The following RNASE2 variants were observed in gnomAD, a reference collection of about 807,000 sequenced individuals.
RNASE2 encodes the protein non-secretory ribonuclease.
For missense variants in RNASE2, 170 were observed against 197.9 expected (o/e 0.86, Z 0.85); for synonymous variants, 67 against 68.9 (o/e 0.97, Z 0.13).
At chr14:20,955,696 G>T in intron 1 of RNASE2, 71 bp from the exon 2 acceptor site, 8 of 1,519,024 alleles carry the variant, frequency 5.3e-6, no homozygotes, top group East Asian at 4.5e-5. Context: ...GGCCTGTGGG[G>T]TAAGACACTA....
At position 20,956,399 on chromosome 14, in the gene RNASE2, G is replaced by A; in HGVS notation, c.*142G>A. On this transcript the variant is annotated 3_prime_UTR_variant, in exon 2 of 2. Coordinates refer to ENST00000304625, the MANE Select transcript of RNASE2 (RefSeq NM_002934.3). ...CCCTTCAGCTTTCCTGAGCTGAAGT[G>A]CCTTGTGAACCCTGCAATAAACTGC... 7.9e-7 allele frequency: 1 copy of A among 1,261,204 alleles called. No homozygotes were observed. The highest frequency in any genetic ancestry group is 1.1e-6 in the Non-Finnish European group (1 of 901,664). The allele number at this position is 1,261,204 out of a possible 1,614,324, so 78.1% of individuals were successfully genotyped here. A position where few individuals can be genotyped will look rare whatever the true frequency, so the allele number is the denominator to read the frequency against.
rs1879190032 is a variant in RNASE2 at position 20,955,864 on chromosome 14, G to C, written c.93G>C (p.Gln31His). 2 of 1,614,200 alleles carry C rather than the reference G, an allele frequency of 1.2e-6. No homozygotes were observed. The highest frequency in any genetic ancestry group is 1.7e-6 in the Non-Finnish European group (2 of 1,180,038). The change falls in exon 2 of 2, where the codon CAG becomes CAC. Residue 31 changes from glutamine (Q) to histidine (H), a missense_variant. Physicochemically the swap from Gln to His is conservative, Grantham distance 24 (BLOSUM62 0). Coordinates refer to ENST00000304625, the MANE Select transcript of RNASE2 (RefSeq NM_002934.3). ...GCTCACTCCATGTCAAACCTCCACA[G>C]TTTACCTGGGCTCAATGGTTTGAAA... ...VEGSLHVKPP[Q>H]FTWAQWFETQ...
At position 20,955,873 on chromosome 14, in the gene RNASE2, G is replaced by C; in HGVS notation, c.102G>C (p.Trp34Cys). ...SLHVKPPQFT[W>C]AQWFETQHIN... ...ATGTCAAACCTCCACAGTTTACCTGGGCTCAATGGTTTGAAACCCAGCACA... is the reference window on the plus strand; with the variant it reads ...ATGTCAAACCTCCACAGTTTACCTGCGCTCAATGGTTTGAAACCCAGCACA... The change falls in exon 2 of 2, where the codon TGG becomes TGC. Residue 34 changes from tryptophan to cysteine, a missense_variant. Trp to Cys is a radical substitution (Grantham distance 215, BLOSUM62 -2). Coordinates refer to ENST00000304625, the MANE Select transcript of RNASE2 (RefSeq NM_002934.3). 1 of 1,614,166 alleles carries C rather than the reference G, an allele frequency of 6.2e-7. No homozygotes were observed. The highest frequency in any genetic ancestry group is 2.2e-5 in the East Asian group (1 of 44,886).
At position 20,956,047 on chromosome 14, in the gene RNASE2, C is replaced by T. The variant is rs1879196194; in HGVS notation, c.276C>T (p.Asn92=). 5 of 1,614,228 alleles carry T rather than the reference C, an allele frequency of 3.1e-6. No homozygotes were observed. Among genetic ancestry groups the T allele is most frequent in the Non-Finnish European group, 4.2e-6 (5 of 1,180,036 alleles). ...CGNPNMTCPS[N]KTRKNCHHSG... ...ACCCAAATATGACCTGTCCTAGTAA[C>T]AAAACTCGCAAAAATTGTCACCACA... is the stretch of plus-strand genomic sequence containing the variant. Residue 92 remains asparagine (N), a synonymous_variant, in exon 2 of 2, where the codon AAC becomes AAT. Transcript: ENST00000304625.
At position 20,955,860 on chromosome 14, in the gene RNASE2, C is replaced by T; in HGVS notation, c.89C>T (p.Pro30Leu). 6.2e-7 allele frequency: 1 copy of T among 1,614,190 alleles called. No individual in the cohort carries two copies. The highest frequency in any genetic ancestry group is 8.5e-7 in the Non-Finnish European group (1 of 1,180,042). The part of the protein sequence containing the change: ...AVEGSLHVKP[P>L]QFTWAQWFET... ...GAGGGCTCACTCCATGTCAAACCTC[C>T]ACAGTTTACCTGGGCTCAATGGTTT... The change falls in exon 2 of 2, where the codon CCA (proline) becomes CTA (leucine). Residue 30 changes from proline (P) to leucine (L), a missense_variant. Coordinates refer to ENST00000304625, the MANE Select transcript of RNASE2 (RefSeq NM_002934.3).
Position 20,955,863 on chromosome 14 carries a change from A to G in RNASE2, c.92A>G (p.Gln31Arg), listed in dbSNP as rs144657597. 6.2e-7 allele frequency: 1 copy of G among 1,614,122 alleles called. No individual in the cohort carries two copies. Among genetic ancestry groups the G allele is most frequent in the Non-Finnish European group, 8.5e-7 (1 of 1,180,052 alleles). ...VEGSLHVKPP[Q>R]FTWAQWFETQ... ...GGCTCACTCCATGTCAAACCTCCAC[A>G]GTTTACCTGGGCTCAATGGTTTGAA... The change falls in exon 2 of 2, where the codon CAG becomes CGG. Residue 31 changes from glutamine to arginine, a missense_variant. Transcript: ENST00000304625.
Position 20,956,032 on chromosome 14 carries a change from G to A in RNASE2, c.261G>A (p.Met87Ile). The change falls in exon 2 of 2, where the codon ATG becomes ATA. Residue 87 changes from methionine (M) to isoleucine (I), a missense_variant. By Grantham distance (10) the Met-to-Ile change is conservative. Coordinates refer to ENST00000304625, the MANE Select transcript of RNASE2 (RefSeq NM_002934.3). ...NVVNVCGNPN[M>I]TCPSNKTRKN... Reference sequence around the variant, plus strand: ...TTAATGTTTGTGGTAACCCAAATATGACCTGTCCTAGTAACAAAACTCGCA... The same window carrying A: ...TTAATGTTTGTGGTAACCCAAATATAACCTGTCCTAGTAACAAAACTCGCA... 6.2e-7 allele frequency: 1 copy of A among 1,614,174 alleles called. No homozygotes were observed. Among genetic ancestry groups the A allele is most frequent in the South Asian group, 1.1e-5 (1 of 91,072 alleles).
chr14:20,956,435 C>A lies in RNASE2; in HGVS notation c.*178C>A. On this transcript the variant is annotated 3_prime_UTR_variant, in exon 2 of 2. Coordinates refer to ENST00000304625, the MANE Select transcript of RNASE2 (RefSeq NM_002934.3). The stretch of plus-strand genomic sequence containing the variant: ...CCTGCAATAAACTGCTTTGCAAATT[C>A]ATCTGAAAGTGTCTGTGTGTCTTCA... 1.2e-6 allele frequency: 1 copy of A among 854,298 alleles called. No individual in the cohort carries two copies. Among genetic ancestry groups the A allele is most frequent in the Non-Finnish European group, 1.8e-6 (1 of 541,110 alleles). The allele number at this position is 854,298 out of a possible 1,614,324, so 52.9% of individuals were successfully genotyped here.
intron 1 of RNASE2, 21 bp downstream of exon 1, chr14:20,955,557 G>A: frequency 1.6e-6 from 1 of 615,330 alleles, no homozygotes; most frequent in Non-Finnish European, 2.8e-6. Flanking sequence ...GATCCCCAGA[G>A]CTGGGACAGA....
rs989708970 is a variant in RNASE2, at chr14:20,956,033, A to T, written c.262A>T (p.Thr88Ser). Residue 88 changes from threonine (T) to serine (S), a missense_variant, in exon 2 of 2, where the codon ACC becomes TCC. Thr to Ser is a moderately conservative substitution (Grantham distance 58). Coordinates refer to ENST00000304625, the MANE Select transcript of RNASE2 (RefSeq NM_002934.3). ...VVNVCGNPNM[T>S]CPSNKTRKNC... ...TAATGTTTGTGGTAACCCAAATATG[A>T]CCTGTCCTAGTAACAAAACTCGCAA... 1 of 1,614,126 alleles carries T rather than the reference A, an allele frequency of 6.2e-7. No individual in the cohort carries two copies. Among genetic ancestry groups the T allele is most frequent in the Non-Finnish European group, 8.5e-7 (1 of 1,180,054 alleles).
chr14:20,955,699 A>G (rs1294403387), intron 1 of RNASE2, 68 bp from the exon 2 acceptor site: 14 of 1,520,982 alleles, frequency 9.2e-6, no homozygotes, highest in Non-Finnish European at 1.1e-5. Context: ...CTGTGGGGTA[A>G]GACACTACAG....
In RNASE2 at chr14:20,956,209, C is replaced by T; in HGVS notation, c.438C>T (p.Asp146=). The T allele has an allele frequency of 6.2e-7, 1 of 1,614,168 alleles. No individual in the cohort carries two copies. The highest frequency in any genetic ancestry group is 8.5e-7 in the Non-Finnish European group (1 of 1,180,032). The change falls in exon 2 of 2, where the codon GAC becomes GAT. Residue 146 remains aspartate (D), a synonymous_variant. Coordinates refer to ENST00000304625, the MANE Select transcript of RNASE2 (RefSeq NM_002934.3). ...GTGACAACAGAGATCAACGACGAGA[C>T]CCTCCACAGTATCCGGTGGTTCCAG... ...VACDNRDQRR[D]PPQYPVVPVH... is the part of the protein sequence containing the mutation.
At position 20,956,383 on chromosome 14, in the gene RNASE2, T is replaced by C; in HGVS notation, c.*126T>C. The C allele has an allele frequency of 7.2e-7, 1 of 1,381,490 alleles. No homozygotes were observed. The allele number at this position is 1,381,490 out of a possible 1,614,324, so 85.6% of individuals were successfully genotyped here. On this transcript the variant is annotated 3_prime_UTR_variant, in exon 2 of 2. Transcript: ENST00000304625. ...TCATCAGTCTCCATACCCCTTCAGC[T>C]TTCCTGAGCTGAAGTGCCTTGTGAA...
chr14:20,956,371 T>C lies in RNASE2; in HGVS notation c.*114T>C. 1 of 1,451,724 alleles carries C rather than the reference T, an allele frequency of 6.9e-7. No homozygotes were observed. Among genetic ancestry groups the C allele is most frequent in the Non-Finnish European group, 9.3e-7 (1 of 1,071,618 alleles). The allele number at this position is 1,451,724 out of a possible 1,614,324, so 89.9% of individuals were successfully genotyped here. A position where few individuals can be genotyped will look rare whatever the true frequency, so the allele number is the denominator to read the frequency against. ...CAGCATCTGTCCTCATCAGTCTCCA[T>C]ACCCCTTCAGCTTTCCTGAGCTGAA... On this transcript the variant is annotated 3_prime_UTR_variant, in exon 2 of 2. Coordinates refer to ENST00000304625, the MANE Select transcript of RNASE2 (RefSeq NM_002934.3).
rs1323770775 is a variant in RNASE2 at position 20,956,309 on chromosome 14, A to T, written c.*52A>T. The T allele has an allele frequency of 6.3e-7, 1 of 1,596,754 alleles. No homozygotes were observed. Among genetic ancestry groups the T allele is most frequent in the African/African-American group, 1.3e-5 (1 of 74,550 alleles). On this transcript the variant is annotated 3_prime_UTR_variant, in exon 2 of 2. Transcript: ENST00000304625. ...CACTCATCTGCCAAGCTCCTCAATC[A>T]TAGCCAAGATCCCATCTCTCCATAT...
rs1298273310 is a variant in RNASE2 at position 20,955,968 on chromosome 14, A to C, written c.197A>C (p.Asn66Thr). Reference sequence around the variant, plus strand: ...AACAATTATCAACGGCGATGCAAAAACCAAAATACTTTCCTTCTTACAACT... The same window carrying C: ...AACAATTATCAACGGCGATGCAAAACCCAAAATACTTTCCTTCTTACAACT... ...VINNYQRRCKNQNTFLLTTFA... is the reference protein window; with the variant it reads ...VINNYQRRCKTQNTFLLTTFA... Residue 66 changes from asparagine to threonine, a missense_variant, in exon 2 of 2, where the codon AAC becomes ACC. Coordinates refer to ENST00000304625, the MANE Select transcript of RNASE2 (RefSeq NM_002934.3). 1.2e-6 allele frequency: 2 copies of C among 1,614,144 alleles called. No individual in the cohort carries two copies. The highest frequency in any genetic ancestry group is 1.7e-6 in the Non-Finnish European group (2 of 1,180,028).
At chr14:20,955,652 TA>T (rs1163771935) in intron 1 of RNASE2, 114 bp from the exon 2 acceptor site, 2 of 1,357,180 alleles carry the variant, frequency 1.5e-6, no homozygotes, top group African/African-American at 2.9e-5. Context: ...AGACAGGAAG[TA>T]AAGGAAATGG....
rs1374113224 is a variant in RNASE2, at chr14:20,956,218, G to A, written c.447G>A (p.Gln149=). 1.2e-6 allele frequency: 2 copies of A among 1,614,164 alleles called. No homozygotes were observed. The highest frequency in any genetic ancestry group is 1.7e-6 in the Non-Finnish European group (2 of 1,180,024). ...GAGATCAACGACGAGACCCTCCACA[G>A]TATCCGGTGGTTCCAGTTCACCTGG... ...DNRDQRRDPP[Q]YPVVPVHLDR... The change falls in exon 2 of 2, where the codon CAG becomes CAA. Residue 149 remains glutamine (Q), a synonymous_variant. Transcript: ENST00000304625.
Position 20,956,002 on chromosome 14 carries a change from C to T in RNASE2, c.231C>T (p.Asn77=), listed in dbSNP as rs776425449. ...QNTFLLTTFA[N]VVNVCGNPNM... ...CTTTCCTTCTTACAACTTTTGCTAA[C>T]GTAGTTAATGTTTGTGGTAACCCAA... is the stretch of plus-strand genomic sequence containing the variant. The change falls in exon 2 of 2, where the codon AAC becomes AAT. Residue 77 remains asparagine (N), a synonymous_variant. Transcript: ENST00000304625. 18 of 1,614,042 alleles carry T rather than the reference C, an allele frequency of 1.1e-5. No individual in the cohort carries two copies. In the East Asian group the frequency reaches 2.4e-4, roughly 22 times the overall value.
Sources: gnomAD v4.1 joint callset for allele counts on GRCh38, gnomAD v4.1.1 for gene constraint, MANE v1.5 for transcripts, NCBI Gene and HGNC (gene_info 2026-07-23, HGNC 2026-07-21) for gene names.